TMEM117: variants seen among roughly 807,000 people sequenced by gnomAD.
TMEM117 encodes the protein transmembrane protein 117.
TMEM117 carries 27 observed loss-of-function variants against 52.4 expected under a neutral mutation model. That is an observed-to-expected ratio of 0.51 (90% confidence interval 0.38 to 0.71). TMEM117 has a LOEUF of 0.71. Among genes scored for constraint, TMEM117 ranks in the 30% least tolerant of loss-of-function variants. The pLI is 0.00. For synonymous variants in TMEM117, 215 were observed against 206.3 expected, an observed-to-expected ratio of 1.04 and a Z score of -0.36; for missense variants, 556 against 630.5, an observed-to-expected ratio of 0.88 and a Z score of 1.26.
At chr12:44,222,706 T>G (rs1304626277) in intron 5 of TMEM117, among the ~76,000 whole-genome samples, 1 of 152,180 alleles carries the variant, frequency 6.6e-6, no homozygotes, top group African/African-American at 2.4e-5. Context: ...ATCCTGCCTA[T>G]TCTCTCCACC....
intron 6 of TMEM117, among the ~76,000 whole-genome samples, chr12:44,324,751 C>T (rs777418011): frequency 6.6e-6 from 1 of 152,096 alleles, no homozygotes; most frequent in Non-Finnish European, 1.5e-5. Context: ...ATGTTGCTAA[C>T]ATTTCTCATG....
chr12:44,121,259 C>T (rs115553607), intron 3 of TMEM117, among the ~76,000 whole-genome samples: 1,543 of 152,250 alleles, frequency 0.01, 10 homozygotes, highest in African/African-American at 0.016. Context: ...AGAGCCAAAC[C>T]GTATCAATGT....
chr12:44,062,779 G>A (rs776804523), intron 3 of TMEM117, among the ~76,000 whole-genome samples: 4 of 152,180 alleles, frequency 2.6e-5, no homozygotes, highest in African/African-American at 4.8e-5. Flanking sequence ...AAAAGGTGAC[G>A]TAGGCCAATA....
At chr12:43,989,213 TTA>T (rs1363800830) in intron 3 of TMEM117, among the ~76,000 whole-genome samples, 2 of 152,094 alleles carry the variant, frequency 1.3e-5, no homozygotes, top group African/African-American at 4.8e-5. Flanking sequence ...AGATAAAACT[TTA>T]TGCCTTCCAA....
At chr12:44,015,462 A>G (rs1328788823) in intron 3 of TMEM117, among the ~76,000 whole-genome samples, 1 of 152,168 alleles carries the variant, frequency 6.6e-6, no homozygotes, top group African/African-American at 2.4e-5. Flanking sequence ...GCATATGTTC[A>G]TCTCATAAGA....
intron 6 of TMEM117, among the ~76,000 whole-genome samples, chr12:44,352,351 T>G (rs1951575462): frequency 6.6e-6 from 1 of 152,150 alleles, no homozygotes; most frequent in African/African-American, 2.4e-5. Flanking sequence ...ACGTGCAGGT[T>G]TGTTACATAC....
intron 3 of TMEM117, among the ~76,000 whole-genome samples, chr12:44,136,801 T>C (rs112173852): frequency 2.6e-5 from 4 of 152,278 alleles, no homozygotes; most frequent in African/African-American, 9.6e-5. Context: ...TTTATTTTGA[T>C]TTATTTATAT....
chr12:43,894,382 T>C (rs568357115), intron 2 of TMEM117, among the ~76,000 whole-genome samples: 3 of 152,194 alleles, frequency 2.0e-5, no homozygotes, highest in Non-Finnish European at 4.4e-5. Context: ...ATTTTCTTTT[T>C]CTTTCTTTTT....
At chr12:44,194,133 T>A (rs1458949814) in intron 4 of TMEM117, among the ~76,000 whole-genome samples, 1 of 152,176 alleles carries the variant, frequency 6.6e-6, no homozygotes, top group Non-Finnish European at 1.5e-5. Context: ...GGAATACAAA[T>A]TTTAAATGAT....
intron 3 of TMEM117, among the ~76,000 whole-genome samples, chr12:44,134,564 C>T (rs2062953): frequency 0.078 from 11,801 of 152,098 alleles, 1,386 homozygotes; most frequent in African/African-American, 0.26. Flanking sequence ...AGTTAAATTC[C>T]CCATTTCCTA....
chr12:44,083,213 G>A (rs1431376592), intron 3 of TMEM117, among the ~76,000 whole-genome samples: 1 of 151,836 alleles, frequency 6.6e-6, no homozygotes, highest in Non-Finnish European at 1.5e-5. Context: ...CAAGACCATG[G>A]TTTATCCAAA....
chr12:44,302,587 T>C (rs1249505939), intron 6 of TMEM117, among the ~76,000 whole-genome samples: 1 of 152,216 alleles, frequency 6.6e-6, no homozygotes, highest in African/African-American at 2.4e-5. Flanking sequence ...TGTCACTTTT[T>C]CCTTATAACT....
chr12:44,016,400 C>T (rs1946374527), intron 3 of TMEM117, among the ~76,000 whole-genome samples: 1 of 152,198 alleles, frequency 6.6e-6, no homozygotes, highest in Admixed American at 6.5e-5. Context: ...CGGGACCATC[C>T]CTATGGCCAC....
At position 44,228,440 on chromosome 12, in the gene TMEM117, CA is replaced by C. The variant is rs541448677; in HGVS notation, c.608+17054del. Among the ~76,000 whole-genome samples, 115 of 152,226 alleles carry C rather than the reference CA, an allele frequency of 7.6e-4. 2 individuals carry two copies. In the South Asian group the frequency reaches 0.019, roughly 25 times the overall value. On this transcript the variant is annotated intron_variant, in intron 5 of 7. Coordinates refer to ENST00000266534, the MANE Select transcript of TMEM117 (RefSeq NM_032256.3). ...AGGTATCGAACATATGTGGAAAAAA[CA>C]GATAAAGTACCTTCTGTCAGGACCT...
intron 4 of TMEM117, among the ~76,000 whole-genome samples, chr12:44,165,172 A>AATATGGTG: frequency 6.6e-6 from 1 of 152,134 alleles, no homozygotes; most frequent in South Asian, 2.1e-4. Flanking sequence ...TATGAGTGAC[A>AATATGGTG]ATATGGTGTG....
intron 6 of TMEM117, among the ~76,000 whole-genome samples, chr12:44,360,724 GA>G (rs1951710239): frequency 6.6e-6 from 1 of 152,128 alleles, no homozygotes; most frequent in East Asian, 1.9e-4. Context: ...TCGAGAATAT[GA>G]AGTCAAAACT....
intron 3 of TMEM117, among the ~76,000 whole-genome samples, chr12:44,130,383 G>A (rs1948395000): frequency 2.0e-5 from 3 of 152,102 alleles, no homozygotes; most frequent in African/African-American, 7.2e-5. Context: ...TCCCTCCAAA[G>A]TAATAACTAT....
At chr12:44,254,102 T>C (rs994855981) in intron 5 of TMEM117, among the ~76,000 whole-genome samples, 20 of 150,842 alleles carry the variant, frequency 1.3e-4, no homozygotes, top group African/African-American at 4.9e-4. Context: ...AAATATAGAT[T>C]ACAATGGCAT....
intron 4 of TMEM117, among the ~76,000 whole-genome samples, chr12:44,183,661 C>A (rs1949236134): frequency 6.6e-6 from 1 of 152,048 alleles, no homozygotes; most frequent in South Asian, 2.1e-4. Flanking sequence ...AAAATAGGAT[C>A]AAAGGCAAGC....
Sources: allele counts gnomAD v4.1 joint callset (sites outside exome capture counted in the v4.1 genomes callset), GRCh38; gene constraint gnomAD v4.1.1; transcripts MANE v1.5; gene names NCBI Gene and HGNC (gene_info 2026-07-23, HGNC 2026-07-21).